The following PPFIA1 variants were observed in gnomAD, a reference collection of about 807,000 sequenced individuals.
PPFIA1 encodes liprin-alpha-1.
Under a neutral mutation model 149.9 loss-of-function variants are expected in PPFIA1, and 25 were observed. The observed-to-expected ratio is 0.17, with a 90% CI of 0.12 to 0.23. PPFIA1 has a LOEUF of 0.23. Ranked by LOEUF, PPFIA1 falls within the 10% of genes least tolerant of loss-of-function variation. The pLI is 1.00. For synonymous variants in PPFIA1, 549 were observed against 552.8 expected (o/e 0.99, Z 0.10); for missense variants, 1,362 against 1,506.5 (o/e 0.90, Z 1.59).
At chr11:70,374,059 T>C (rs373887091) in intron 23 of PPFIA1, 2 of 152,226 alleles carry the variant, frequency 1.3e-5, no homozygotes, top group African/African-American at 4.8e-5. Context: ...ATAGAGCAAA[T>C]TGAATAATTT....
intron 2 of PPFIA1, among the ~76,000 whole-genome samples, chr11:70,275,658 A>G (rs1345876944): frequency 6.6e-6 from 1 of 152,178 alleles, no homozygotes; most frequent in Admixed American, 6.5e-5. Flanking sequence ...ATTTCTTAAA[A>G]GACTATTCTT....
intron 2 of PPFIA1, among the ~76,000 whole-genome samples, chr11:70,292,279 C>T (rs1056205085): frequency 5.9e-5 from 9 of 152,236 alleles, no homozygotes; most frequent in African/African-American, 1.2e-4. Flanking sequence ...CCACCACACT[C>T]GGCCAGTGAA....
At chr11:70,284,421 G>A (rs1253308204) in intron 2 of PPFIA1, among the ~76,000 whole-genome samples, 1 of 152,204 alleles carries the variant, frequency 6.6e-6, no homozygotes, top group Non-Finnish European at 1.5e-5. Flanking sequence ...TTGTCAGCAA[G>A]GAGACAGAGT....
chr11:70,375,183 A>T, intron 24 of PPFIA1, 90 bp downstream of exon 24: 1 of 336,624 alleles, frequency 3.0e-6, no homozygotes, highest in Non-Finnish European at 4.2e-6. Context: ...AGAAACTTTA[A>T]AAAAAAAAAA....
chr11:70,277,467 G>A (rs777750236), intron 2 of PPFIA1, among the ~76,000 whole-genome samples: 88 of 151,394 alleles, frequency 5.8e-4, no homozygotes, highest in Non-Finnish European at 1.0e-3. Flanking sequence ...TTTCTGCCGG[G>A]GATTATATTT....
intron 26 of PPFIA1, among the ~76,000 whole-genome samples, chr11:70,378,865 C>T (rs1285854940): frequency 1.3e-5 from 2 of 152,168 alleles, no homozygotes; most frequent in Non-Finnish European, 2.9e-5. Flanking sequence ...AACAGTTGAC[C>T]ATGGCTTCCT....
intron 15 of PPFIA1, among the ~76,000 whole-genome samples, chr11:70,344,445 A>T (rs377183241): frequency 2.0e-5 from 3 of 152,182 alleles, no homozygotes; most frequent in African/African-American, 7.2e-5. Context: ...GCGGGCGCAT[A>T]TGGTGGGAAG....
Position 70,326,316 on chromosome 11 carries a change from C to T in PPFIA1, c.661C>T (p.Leu221=), listed in dbSNP as rs2054283362. 6.2e-7 allele frequency: 1 copy of T among 1,610,224 alleles called. No homozygotes were observed. Among genetic ancestry groups the T allele is most frequent in the Admixed American group, 1.7e-5 (1 of 59,802 alleles). Residue 221 remains leucine (L), a synonymous_variant, in exon 6 of 28, where the codon CTG becomes TTG. Transcript: ENST00000253925. Reference sequence around the variant, plus strand: ...GAAAAAAACTCTAACAGATGGAGTGCTGGACATAAACCATGAACAAGAAAA... The same window carrying T: ...GAAAAAAACTCTAACAGATGGAGTGTTGGACATAAACCATGAACAAGAAAA... ...NQKKTLTDGV[L]DINHEQENTP...
intron 21 of PPFIA1, among the ~76,000 whole-genome samples, chr11:70,366,493 T>G (rs12282942): frequency 6.6e-6 from 1 of 152,222 alleles, no homozygotes; most frequent in African/African-American, 2.4e-5. Context: ...ACTGTATATT[T>G]GAATTTTCAG....
intron 2 of PPFIA1, among the ~76,000 whole-genome samples, chr11:70,295,549 G>T (rs1407708879): frequency 7.1e-6 from 1 of 139,924 alleles, no homozygotes; most frequent in Admixed American, 6.9e-5. Flanking sequence ...GCGGCTGGCC[G>T]GGCGGGGGGC....
In PPFIA1 at chr11:70,348,389, G is replaced by A. The variant is rs907134523; in HGVS notation, c.2132G>A (p.Arg711Gln). 6 of 1,613,488 alleles carry A rather than the reference G, an allele frequency of 3.7e-6. No homozygotes were observed. Among genetic ancestry groups the A allele is most frequent in the South Asian group, 2.2e-5 (2 of 91,060 alleles). ...CGAAGGATCCCTCACAGCCCAGCTCGGGAAGTGGACAGACTGGGCGTCATG... is the reference window on the plus strand; with the variant it reads ...CGAAGGATCCCTCACAGCCCAGCTCAGGAAGTGGACAGACTGGGCGTCATG... The part of the protein sequence containing the change: ...TPRRIPHSPA[R>Q]EVDRLGVMTL... Residue 711 changes from arginine (R) to glutamine (Q), a missense_variant, in exon 16 of 28, where the codon CGG (arginine) becomes CAG (glutamine). Arg to Gln is a conservative substitution (Grantham distance 43). Coordinates refer to ENST00000253925, the MANE Select transcript of PPFIA1 (RefSeq NM_003626.5).
intron 2 of PPFIA1, chr11:70,279,070 A>G (rs1418212335): frequency 2.0e-6 from 1 of 507,432 alleles, no homozygotes; most frequent in Admixed American, 2.9e-5. Flanking sequence ...TTTACTGTGA[A>G]GTCTTTTGAC....
intron 2 of PPFIA1, among the ~76,000 whole-genome samples, chr11:70,311,597 C>T (rs1276617010): frequency 6.6e-6 from 1 of 152,096 alleles, no homozygotes; most frequent in Non-Finnish European, 1.5e-5. Flanking sequence ...GAAGGGGCTG[C>T]GGGACACCTG....
chr11:70,365,012 G>GT (rs1271672314), intron 21 of PPFIA1: 3 of 166,098 alleles, frequency 1.8e-5, no homozygotes, highest in African/African-American at 7.2e-5. Flanking sequence ...CAAAGCAAGA[G>GT]TTTCATGCTG....
At chr11:70,285,941 C>A (rs1372900728) in intron 2 of PPFIA1, among the ~76,000 whole-genome samples, 1 of 151,968 alleles carries the variant, frequency 6.6e-6, no homozygotes, top group Non-Finnish European at 1.5e-5. Context: ...ATGGAAAAAA[C>A]CAAACTTACA....
chr11:70,349,610 T>G (rs773035735), intron 16 of PPFIA1, among the ~76,000 whole-genome samples: 1 of 152,234 alleles, frequency 6.6e-6, no homozygotes, highest in Non-Finnish European at 1.5e-5. Flanking sequence ...TTTTTAGTTG[T>G]GTTGTTAGCC....
chr11:70,343,609 T>C, intron 14 of PPFIA1, 60 bp from the exon 15 acceptor site: 2 of 1,456,268 alleles, frequency 1.4e-6, no homozygotes, highest in Non-Finnish European at 1.9e-6. Flanking sequence ...CCGATAGATT[T>C]ATGTTTCTAC....
At chr11:70,318,141 G>T (rs773957277) in intron 2 of PPFIA1, among the ~76,000 whole-genome samples, 1 of 152,210 alleles carries the variant, frequency 6.6e-6, no homozygotes, top group South Asian at 2.1e-4. Flanking sequence ...CCTAAGTGCC[G>T]CCAGCATCTC....
intron 16 of PPFIA1, chr11:70,350,023 C>T (rs1259208493): frequency 2.2e-6 from 1 of 447,976 alleles, no homozygotes; most frequent in Non-Finnish European, 4.5e-6. Context: ...TATAGCGATT[C>T]TTCACAGCAT....
Sources: gnomAD v4.1 joint callset for allele counts (sites outside exome capture counted in the v4.1 genomes callset) on GRCh38, gnomAD v4.1.1 for gene constraint, MANE v1.5 for transcripts, NCBI Gene and HGNC (gene_info 2026-07-23, HGNC 2026-07-21) for gene names.